RAB2A: variants seen among roughly 807,000 people sequenced by gnomAD.
RAB2A encodes ras-related protein Rab-2A.
Under a neutral mutation model 32.5 loss-of-function variants are expected in RAB2A, and 7 were observed. The observed-to-expected ratio is 0.22, with a 90% CI of 0.12 to 0.40. The LOEUF (loss-of-function observed/expected upper bound fraction) is 0.40. Among genes scored for constraint, RAB2A ranks in the 10% least tolerant of loss-of-function variants. The pLI is 1.00. For missense variants in RAB2A, 108 were observed against 260.7 expected (o/e 0.41, Z 4.03); for synonymous variants, 79 against 85.2 (o/e 0.93, Z 0.40).
intron 1 of RAB2A, among the ~76,000 whole-genome samples, chr8:60,533,968 C>T (rs192168114): frequency 1.7e-4 from 26 of 151,742 alleles, no homozygotes; most frequent in Admixed American, 1.5e-3. Flanking sequence ...GTCTCAAAAA[C>T]AAAACAAAAC....
At chr8:60,575,094 T>TG (rs1491569802) in intron 3 of RAB2A, among the ~76,000 whole-genome samples, 1 of 41,608 alleles carries the variant, frequency 2.4e-5, no homozygotes, top group African/African-American at 1.8e-4. Flanking sequence ...TTTTTGGGGG[T>TG]TTTTTTTTTT....
Position 60,613,122 on chromosome 8 carries a change from T to G in RAB2A, c.475-5458T>G, listed in dbSNP as rs567347982. Among the ~76,000 whole-genome samples the G allele has an allele frequency of 2.9e-3, 446 of 152,330 alleles. 2 individuals carry two copies. The highest frequency in any genetic ancestry group is 0.01 in the African/African-American group (429 of 41,574). ...ATATTTTATTTTGGGGGGCTCATTGTGCACATTATATGTTGCCAATTCACT... is the reference window on the plus strand; with the variant it reads ...ATATTTTATTTTGGGGGGCTCATTGGGCACATTATATGTTGCCAATTCACT... On this transcript the variant is annotated intron_variant, in intron 6 of 7. Transcript: ENST00000262646.
chr8:60,589,120 A>C (rs928640630), intron 5 of RAB2A, among the ~76,000 whole-genome samples: 1 of 152,218 alleles, frequency 6.6e-6, no homozygotes, highest in African/African-American at 2.4e-5. Flanking sequence ...TAATAAGAGG[A>C]GAATACTTGG....
chr8:60,523,220 C>T (rs533548720), intron 1 of RAB2A, among the ~76,000 whole-genome samples: 6 of 150,962 alleles, frequency 4.0e-5, no homozygotes, highest in Non-Finnish European at 7.4e-5. Context: ...TGCAGTGGCG[C>T]AATCTCAGCT....
chr8:60,525,995 CTATATG>C (rs1807374754), intron 1 of RAB2A, among the ~76,000 whole-genome samples: 1 of 97,056 alleles, frequency 1.0e-5, no homozygotes, highest in Non-Finnish European at 2.2e-5. Context: ...GTATATATGT[CTATATG>C]TATATATGTG....
At chr8:60,559,532 T>G (rs1313998296) in intron 2 of RAB2A, among the ~76,000 whole-genome samples, 5 of 152,226 alleles carry the variant, frequency 3.3e-5, no homozygotes, top group Admixed American at 3.3e-4. Flanking sequence ...TAGCTGTTAT[T>G]ATTTAAAATA....
chr8:60,585,408 C>T (rs1374580456), intron 5 of RAB2A, among the ~76,000 whole-genome samples: 1 of 152,022 alleles, frequency 6.6e-6, no homozygotes, highest in East Asian at 1.9e-4. Flanking sequence ...GCCTCCCGGG[C>T]TCAAGGGAAT....
intron 6 of RAB2A, among the ~76,000 whole-genome samples, chr8:60,603,094 A>C (rs552504054): frequency 4.6e-5 from 7 of 152,356 alleles, no homozygotes; most frequent in South Asian, 4.1e-4. Flanking sequence ...GAAGGTCATC[A>C]TCCTGTTTTT....
At chr8:60,520,202 A>G (rs1807280220) in intron 1 of RAB2A, among the ~76,000 whole-genome samples, 1 of 152,246 alleles carries the variant, frequency 6.6e-6, no homozygotes, top group Non-Finnish European at 1.5e-5. Flanking sequence ...TCCCTCTTTA[A>G]TAGAAGAGGT....
At chr8:60,526,242 A>G (rs1371625272) in intron 1 of RAB2A, among the ~76,000 whole-genome samples, 2 of 151,916 alleles carry the variant, frequency 1.3e-5, no homozygotes, top group Non-Finnish European at 2.9e-5. Flanking sequence ...GGCAGAATAT[A>G]CTTCCATGAA....
intron 5 of RAB2A, among the ~76,000 whole-genome samples, chr8:60,589,276 A>G (rs1318328143): frequency 6.6e-6 from 1 of 152,244 alleles, no homozygotes; most frequent in African/African-American, 2.4e-5. Flanking sequence ...TAAACAAAGC[A>G]TAGTATGTAA....
intron 6 of RAB2A, among the ~76,000 whole-genome samples, chr8:60,603,881 G>A (rs914706235): frequency 1.3e-5 from 2 of 152,152 alleles, no homozygotes; most frequent in African/African-American, 2.4e-5. Context: ...AAGAGAGGGA[G>A]AGGGAGGAGA....
At chr8:60,529,945 A>G (rs76886176) in intron 1 of RAB2A, among the ~76,000 whole-genome samples, 130 of 152,112 alleles carry the variant, frequency 8.5e-4, no homozygotes, top group African/African-American at 2.9e-3. Context: ...TCTCTCTCCA[A>G]AGTAATCAGT....
intron 2 of RAB2A, among the ~76,000 whole-genome samples, chr8:60,567,268 A>G (rs1808129913): frequency 6.6e-6 from 1 of 151,746 alleles, no homozygotes; most frequent in South Asian, 2.1e-4. Context: ...GGCACGTACC[A>G]CCAGACCCAA....
At chr8:60,592,797 G>A (rs1803964326) in intron 6 of RAB2A, among the ~76,000 whole-genome samples, 1 of 152,122 alleles carries the variant, frequency 6.6e-6, no homozygotes, top group Non-Finnish European at 1.5e-5. Flanking sequence ...TAAGGTAAAT[G>A]TATTACTATA....
chr8:60,524,168 A>G (rs1412066852), intron 1 of RAB2A, among the ~76,000 whole-genome samples: 1 of 151,904 alleles, frequency 6.6e-6, no homozygotes, highest in Non-Finnish European at 1.5e-5. Flanking sequence ...CATCTTCTCA[A>G]TTGGTGTTCT....
At position 60,517,221 on chromosome 8, in the gene RAB2A, A is replaced by G. The variant is rs1807219436; in HGVS notation, c.14A>G (p.Tyr5Cys). MAYA[Y>C]LFKYIIIGDT... ...GCGGCCGCGGCCATGGCGTACGCCTATCTCTTCAAGTACATCATAATCGGC... is the reference window on the plus strand; with the variant it reads ...GCGGCCGCGGCCATGGCGTACGCCTGTCTCTTCAAGTACATCATAATCGGC... The change falls in exon 1 of 8, where the codon TAT (tyrosine) becomes TGT (cysteine). Residue 5 changes from tyrosine (Y) to cysteine (C), a missense_variant. Physicochemically the swap from Tyr to Cys is radical, Grantham distance 194. Coordinates refer to ENST00000262646, the MANE Select transcript of RAB2A (RefSeq NM_002865.3). 2 of 1,490,132 alleles carry G rather than the reference A, an allele frequency of 1.3e-6. No individual in the cohort carries two copies. The highest frequency in any genetic ancestry group is 1.8e-6 in the Non-Finnish European group (2 of 1,118,992). The allele number at this position is 1,490,132 out of a possible 1,614,324, so 92.3% of individuals were successfully genotyped here. A position where few individuals can be genotyped will look rare whatever the true frequency, so the allele number is the denominator to read the frequency against.
At chr8:60,570,874 G>A (rs1808188340) in intron 2 of RAB2A, among the ~76,000 whole-genome samples, 1 of 152,160 alleles carries the variant, frequency 6.6e-6, no homozygotes, top group African/African-American at 2.4e-5. Context: ...TGCTGAACTG[G>A]AATTCTGATA....
chr8:60,519,103 T>C (rs1172067216), intron 1 of RAB2A, among the ~76,000 whole-genome samples: 1 of 151,854 alleles, frequency 6.6e-6, no homozygotes, highest in Non-Finnish European at 1.5e-5. Context: ...ACTTCTTTCT[T>C]GTCATTGCTG....
Sources: allele counts gnomAD v4.1 joint callset (sites outside exome capture counted in the v4.1 genomes callset), GRCh38; gene constraint gnomAD v4.1.1; transcripts MANE v1.5; gene names NCBI Gene and HGNC (gene_info 2026-07-23, HGNC 2026-07-21).